The following NFAM1 variants were observed in gnomAD, a reference collection of about 807,000 sequenced individuals.
NFAM1 encodes the protein NFAT activation molecule 1.
In NFAM1, 17 loss-of-function variants were observed where a neutral mutation model predicts 29.0. The ratio of observed to expected loss-of-function variants is 0.59; its 90% confidence interval spans 0.40 to 0.88. The LOEUF (loss-of-function observed/expected upper bound fraction) is 0.88. Ranked by LOEUF, NFAM1 falls within the 40% of genes least tolerant of loss-of-function variation. The pLI, the probability that NFAM1 is intolerant of heterozygous loss-of-function variation, is 0.00. For missense variants in NFAM1, 324 were observed against 344.6 expected (o/e 0.94, Z 0.47); for synonymous variants, 175 against 147.2 (o/e 1.19, Z -1.36).
rs1405132929 is a variant in NFAM1, at chr22:42,411,551, G to A, written c.307C>T (p.Leu103=). 29 of 1,614,220 alleles carry A rather than the reference G, an allele frequency of 1.8e-5. No individual in the cohort carries two copies. Among genetic ancestry groups the A allele is most frequent in the Non-Finnish European group, 2.5e-5 (29 of 1,180,036 alleles). The change falls in exon 2 of 6, where the codon CTG becomes TTG. Residue 103 remains leucine, a synonymous_variant. Transcript: ENST00000329021. The part of the protein sequence containing the change: ...PKKPTNCHPG[L]GTENQSHTLD... ...GTGTGGCTCTGGTTCTCTGTGCCCA[G>A]TCCAGGGTGGCAGTTTGTTGGCTTC... is the stretch of plus-strand genomic sequence containing the variant.
intron 1 of NFAM1, among the ~76,000 whole-genome samples, chr22:42,417,276 G>A (rs1041003594): frequency 1.5e-4 from 23 of 152,142 alleles, no homozygotes; most frequent in African/African-American, 5.6e-4. Context: ...TGTGACTTTC[G>A]GTGACCATAG....
At chr22:42,408,946 A>T (rs948322339) in intron 3 of NFAM1, among the ~76,000 whole-genome samples, 1 of 152,132 alleles carries the variant, frequency 6.6e-6, no homozygotes. Flanking sequence ...AAACCTCGTC[A>T]TGGAGCTATG....
At position 42,397,926 on chromosome 22, in the gene NFAM1, TGG is replaced by T. The variant is rs1466886907; in HGVS notation, c.593_594del (p.Pro198HisfsTer39). The T allele has an allele frequency of 1.2e-6, 2 of 1,610,062 alleles. No individual in the cohort carries two copies. The highest frequency in any genetic ancestry group is 2.7e-5 in the African/African-American group (2 of 74,792). On this transcript the variant is annotated frameshift_variant, in exon 4 of 6. Transcript: ENST00000329021. LOFTEE classifies it high-confidence loss of function. Reference sequence around the variant, plus strand: ...GATCTTGGATCTGGGCACTTCCTGGTGGGGTCCTTCCCTGGACCCCGCATCCG... The same window carrying T: ...GATCTTGGATCTGGGCACTTCCTGGTGGTCCTTCCCTGGACCCCGCATCCG... ...KKRMRGPGKD[P>X]TRKCPDPRSA...
At chr22:42,406,203 C>G (rs1929893367) in intron 3 of NFAM1, among the ~76,000 whole-genome samples, 1 of 135,730 alleles carries the variant, frequency 7.4e-6, no homozygotes, top group Admixed American at 7.6e-5. Context: ...GGGAGCAGAG[C>G]AAACCACTTG....
rs765568683 is a variant in NFAM1 at position 42,411,391 on chromosome 22, A to G, written c.451+16T>C. 6.3e-7 allele frequency: 1 copy of G among 1,593,386 alleles called. No homozygotes were observed. The highest frequency in any genetic ancestry group is 8.6e-7 in the Non-Finnish European group (1 of 1,163,686). ...CTGTGTCCTTTGCCCTGGAAGAGCCACAGAGGAAGCCTTACCTCTGACCAG... is the reference window on the plus strand; with the variant it reads ...CTGTGTCCTTTGCCCTGGAAGAGCCGCAGAGGAAGCCTTACCTCTGACCAG... On this transcript the variant is annotated intron_variant, in intron 2 of 5. Transcript: ENST00000329021.
chr22:42,430,297 C>T (rs1205070993), intron 1 of NFAM1, among the ~76,000 whole-genome samples: 1 of 152,062 alleles, frequency 6.6e-6, no homozygotes, highest in Non-Finnish European at 1.5e-5. Context: ...CAGTGGCTCA[C>T]GCCTGTAATC....
intron 3 of NFAM1, among the ~76,000 whole-genome samples, chr22:42,400,846 G>A (rs1929701705): frequency 1.3e-5 from 2 of 152,204 alleles, no homozygotes; most frequent in African/African-American, 4.8e-5. Context: ...TCTCTTCGCT[G>A]AGCTGGCCGA....
At chr22:42,420,310 CAATA>C (rs1282003970) in intron 1 of NFAM1, among the ~76,000 whole-genome samples, 1 of 151,932 alleles carries the variant, frequency 6.6e-6, no homozygotes, top group East Asian at 1.9e-4. Context: ...CATCTCTACT[CAATA>C]AATAAATAAA....
chr22:42,403,159 C>T (rs1929784582), intron 3 of NFAM1, among the ~76,000 whole-genome samples: 1 of 152,026 alleles, frequency 6.6e-6, no homozygotes, highest in Non-Finnish European at 1.5e-5. Flanking sequence ...TCTACAACCC[C>T]ATGACACAGC....
chr22:42,387,643 C>A (rs968842541), intron 4 of NFAM1, among the ~76,000 whole-genome samples: 5 of 151,684 alleles, frequency 3.3e-5, no homozygotes, highest in African/African-American at 1.2e-4. Context: ...GGTCATCGAG[C>A]CTGTGCCCTG....
intron 1 of NFAM1, among the ~76,000 whole-genome samples, chr22:42,429,487 G>C (rs370900186): frequency 1.3e-5 from 2 of 152,166 alleles, no homozygotes; most frequent in African/African-American, 4.8e-5. Context: ...ATGGTGGTGG[G>C]TGCCTGCAAT....
At chr22:42,401,433 C>T (rs996099924) in intron 3 of NFAM1, among the ~76,000 whole-genome samples, 3 of 152,070 alleles carry the variant, frequency 2.0e-5, no homozygotes, top group Admixed American at 2.0e-4. Flanking sequence ...AAACCTCCCT[C>T]TGCTGCCACA....
intron 1 of NFAM1, among the ~76,000 whole-genome samples, chr22:42,418,773 C>T (rs1457035799): frequency 6.6e-6 from 1 of 152,012 alleles, no homozygotes. Context: ...GGCACATAGG[C>T]CCTGATGGTC....
Position 42,397,874 on chromosome 22 carries a change from G to A in NFAM1, c.647C>T (p.Ser216Leu), listed in dbSNP as rs770667786. 1 of 1,612,210 alleles carries A rather than the reference G, an allele frequency of 6.2e-7. No homozygotes were observed. Among genetic ancestry groups the A allele is most frequent in the South Asian group, 1.1e-5 (1 of 91,044 alleles). Residue 216 changes from serine (S) to leucine (L), a missense_variant, in exon 4 of 6, where the codon TCA becomes TTA. Coordinates refer to ENST00000329021, the MANE Select transcript of NFAM1 (RefSeq NM_145912.8). ...RSASSPKQHP[S>L]ESVYTALQRR... ...GGGACTCACTGTGTAGACAGATTCT[G>A]AAGGATGCTGCTTGGGGCTGCTGGC...
At chr22:42,404,920 T>C (rs79643131) in intron 3 of NFAM1, among the ~76,000 whole-genome samples, 4,195 of 150,872 alleles carry the variant, frequency 0.028, 197 homozygotes, top group African/African-American at 0.099. Context: ...ACCCTCCTTA[T>C]CCCATTTCCA....
rs538305422 is a variant in NFAM1 at position 42,398,198 on chromosome 22, G to C, written c.565-242C>G. Among the ~76,000 whole-genome samples, 224 of 152,252 alleles carry C rather than the reference G, an allele frequency of 1.5e-3. 1 individual carries two copies. Among genetic ancestry groups the C allele is most frequent in the African/African-American group, 5.1e-3 (212 of 41,564 alleles). On this transcript the variant is annotated intron_variant, in intron 3 of 5. Coordinates refer to ENST00000329021, the MANE Select transcript of NFAM1 (RefSeq NM_145912.8). ...CCACACGAGGTGATGTCCCTGGACAGAGCACCTGGCTGGTAGGGACCCAAG... is the reference window on the plus strand; with the variant it reads ...CCACACGAGGTGATGTCCCTGGACACAGCACCTGGCTGGTAGGGACCCAAG...
At position 42,432,292 on chromosome 22, in the gene NFAM1, T is replaced by C; in HGVS notation, c.66A>G (p.Ala22=). 6.4e-7 allele frequency: 1 copy of C among 1,573,332 alleles called. No individual in the cohort carries two copies. The highest frequency in any genetic ancestry group is 8.6e-7 in the Non-Finnish European group (1 of 1,159,100). The part of the protein sequence containing the change: ...PGLPRPPGLP[A]APWLLLGVLL... ...GCACGCCAAGGAGGAGCCAGGGGGC[T>C]GCGGGGAGCCCAGGAGGGCGTGGGA... The change falls in exon 1 of 6, where the codon GCA becomes GCG. Residue 22 remains alanine (A), a synonymous_variant. Coordinates refer to ENST00000329021, the MANE Select transcript of NFAM1 (RefSeq NM_145912.8).
In NFAM1 at chr22:42,409,546, G is replaced by T. The variant is rs765629601; in HGVS notation, c.453C>A (p.Asp151Glu). 1.3e-6 allele frequency: 2 copies of T among 1,492,188 alleles called. No homozygotes were observed. The highest frequency in any genetic ancestry group is 9.0e-7 in the Non-Finnish European group (1 of 1,114,386). 92.4% of individuals were successfully genotyped at this position (1,492,188 alleles called of 1,614,324 possible). ...TCTGCGGGGGCTCTCGGTACCCTGC[G>T]TCTAGGAGGAAGCGCAGGGGAGCAG... ...RGSGTFILVR[D>E]AGYREPPQSP... The change falls in exon 3 of 6, where the codon GAC becomes GAA. Residue 151 changes from aspartate (D) to glutamate (E), a missense_variant and splice_region_variant. Physicochemically the swap from Asp to Glu is conservative, Grantham distance 45 (BLOSUM62 2). Coordinates refer to ENST00000329021, the MANE Select transcript of NFAM1 (RefSeq NM_145912.8). The surrounding 1 kb of genome is among the most constrained non-coding windows in gnomAD (Gnocchi z 4.9).
intron 4 of NFAM1, among the ~76,000 whole-genome samples, chr22:42,395,824 A>C (rs1178248414): frequency 1.3e-5 from 2 of 148,692 alleles, no homozygotes; most frequent in Admixed American, 1.4e-4. Flanking sequence ...CAGAGCTTGC[A>C]GTGAGCCAAG....
Sources: allele counts gnomAD v4.1 joint callset (sites outside exome capture counted in the v4.1 genomes callset), GRCh38; gene constraint gnomAD v4.1.1; non-coding constraint Gnocchi (gnomAD v3.1); transcripts MANE v1.5; gene names NCBI Gene and HGNC (gene_info 2026-07-23, HGNC 2026-07-21).